PHLPP1: variants seen among roughly 807,000 people sequenced by gnomAD.
PHLPP1 encodes PH domain leucine-rich repeat-containing protein phosphatase 1.
In PHLPP1, 42 loss-of-function variants were observed where a neutral mutation model predicts 117.2. The ratio of observed to expected loss-of-function variants is 0.36; its 90% CI spans 0.28 to 0.46. PHLPP1 has a LOEUF of 0.46. PHLPP1 is among the 20% of genes least tolerant of loss of function. PHLPP1 has a pLI of 1.00. For synonymous variants in PHLPP1, 1,042 were observed against 970.7 expected (o/e 1.07, Z -1.37); for missense variants, 2,084 against 2,241.9 (o/e 0.93, Z 1.42).
At chr18:62,884,360 A>G (rs1418214485) in intron 4 of PHLPP1, among the ~76,000 whole-genome samples, 1 of 152,232 alleles carries the variant, frequency 6.6e-6, no homozygotes, top group East Asian at 1.9e-4. Context: ...AGAGACTGTT[A>G]ACTTTTTATG....
chr18:62,816,581 A>G (rs954623273), intron 1 of PHLPP1, among the ~76,000 whole-genome samples: 3 of 151,702 alleles, frequency 2.0e-5, no homozygotes, highest in Non-Finnish European at 4.4e-5. Context: ...AAATAAAAAT[A>G]AATAATAAAA....
chr18:62,743,903 A>G (rs759310659), intron 1 of PHLPP1, among the ~76,000 whole-genome samples: 28 of 151,986 alleles, frequency 1.8e-4, no homozygotes, highest in Admixed American at 5.9e-4. Context: ...AATTTTGGAC[A>G]TATATGTTGA....
intron 3 of PHLPP1, among the ~76,000 whole-genome samples, chr18:62,852,158 G>C (rs1335834372): frequency 6.6e-6 from 1 of 152,038 alleles, no homozygotes; most frequent in Non-Finnish European, 1.5e-5. Flanking sequence ...GAAATTACAG[G>C]CATGAGTCAC....
At chr18:62,828,640 A>G (rs1007047824) in intron 1 of PHLPP1, among the ~76,000 whole-genome samples, 1 of 152,170 alleles carries the variant, frequency 6.6e-6, no homozygotes, top group Non-Finnish European at 1.5e-5. Context: ...GAACGTTCAG[A>G]TACTCTTTGG....
At chr18:62,971,051 G>A (rs34951742) in intron 14 of PHLPP1, among the ~76,000 whole-genome samples, 8,777 of 152,192 alleles carry the variant, frequency 0.058, 381 homozygotes, top group Non-Finnish European at 0.086. Context: ...CGTTCAAGAC[G>A]TTGCTCCACT....
chr18:62,888,351 T>C (rs1253939489), intron 4 of PHLPP1, among the ~76,000 whole-genome samples: 3 of 151,128 alleles, frequency 2.0e-5, no homozygotes, highest in Non-Finnish European at 4.4e-5. Context: ...TTTTTTTCTT[T>C]TTAAAACCAG....
At chr18:62,974,161 T>C (rs576471061) in intron 15 of PHLPP1, among the ~76,000 whole-genome samples, 1 of 152,270 alleles carries the variant, frequency 6.6e-6, no homozygotes, top group Admixed American at 6.5e-5. Flanking sequence ...TGCTATACTT[T>C]TTACAAATCA....
At chr18:62,954,284 G>A (rs968978196) in intron 12 of PHLPP1, among the ~76,000 whole-genome samples, 3 of 152,146 alleles carry the variant, frequency 2.0e-5, no homozygotes, top group Non-Finnish European at 4.4e-5. Flanking sequence ...GCCTGAAAGA[G>A]GGAAAGATAA....
chr18:62,968,897 T>A (rs1910979366), intron 14 of PHLPP1, among the ~76,000 whole-genome samples: 1 of 152,194 alleles, frequency 6.6e-6, no homozygotes, highest in Non-Finnish European at 1.5e-5. Flanking sequence ...TCATTCCTAA[T>A]GTTGGTAATT....
chr18:62,923,673 C>G (rs1909541833), intron 10 of PHLPP1, among the ~76,000 whole-genome samples: 1 of 151,952 alleles, frequency 6.6e-6, no homozygotes, highest in Admixed American at 6.6e-5. Context: ...GAAATTTTTA[C>G]CTACCTATTT....
intron 1 of PHLPP1, among the ~76,000 whole-genome samples, chr18:62,751,435 A>T (rs1232218885): frequency 6.6e-6 from 1 of 152,228 alleles, no homozygotes; most frequent in Non-Finnish European, 1.5e-5. Context: ...AGTAAGAACA[A>T]CATCATCTCA....
chr18:62,902,511 G>T (rs1916749454), intron 6 of PHLPP1, among the ~76,000 whole-genome samples: 2 of 152,138 alleles, frequency 1.3e-5, no homozygotes, highest in African/African-American at 4.8e-5. Context: ...GCCTGTTCAT[G>T]CATCCTCTCT....
Position 62,716,170 on chromosome 18 carries a change from G to C in PHLPP1, c.487G>C (p.Ala163Pro). 1 of 1,519,324 alleles carries C rather than the reference G, an allele frequency of 6.6e-7. No homozygotes were observed. Among genetic ancestry groups the C allele is most frequent in the Non-Finnish European group, 8.8e-7 (1 of 1,139,580 alleles). 94.1% of individuals were successfully genotyped at this position (1,519,324 alleles called of 1,614,324 possible). Residue 163 changes from alanine to proline, a missense_variant, in exon 1 of 17, where the codon GCC becomes CCC. Ala to Pro is a conservative substitution (Grantham distance 27). Transcript: ENST00000262719. The surrounding 1 kb of genome is among the most constrained non-coding windows in gnomAD (Gnocchi z 5.7). ...TGCCGGCCTCCCCGCCTCCTGCTCG[G>C]CCTCGGCGTCGCTGTGCACCCGGAG... ...GAAGLPASCS[A>P]SASLCTRSLD...
intron 1 of PHLPP1, among the ~76,000 whole-genome samples, chr18:62,823,860 G>A (rs1397570825): frequency 6.6e-6 from 1 of 151,972 alleles, no homozygotes; most frequent in Non-Finnish European, 1.5e-5. Context: ...GGCCAGGCGC[G>A]GTGGCTTATT....
intron 3 of PHLPP1, among the ~76,000 whole-genome samples, chr18:62,840,658 T>A (rs1222726206): frequency 2.6e-5 from 4 of 152,228 alleles, no homozygotes; most frequent in Non-Finnish European, 4.4e-5. Flanking sequence ...GTGCAGCACA[T>A]TTCTTTCTGT....
At chr18:62,922,106 GT>G (rs1223356747) in intron 10 of PHLPP1, among the ~76,000 whole-genome samples, 1 of 150,612 alleles carries the variant, frequency 6.6e-6, no homozygotes, top group Non-Finnish European at 1.5e-5. Context: ...TTGTTTTTTG[GT>G]TTTGGGTTTT....
intron 1 of PHLPP1, among the ~76,000 whole-genome samples, chr18:62,821,414 TG>T (rs1355270332): frequency 5.6e-4 from 85 of 151,968 alleles, no homozygotes; most frequent in African/African-American, 1.7e-3. Context: ...CTGGGCATAA[TG>T]GCATATGCCT....
At chr18:62,870,074 G>A (rs1386024433) in intron 4 of PHLPP1, among the ~76,000 whole-genome samples, 1 of 152,064 alleles carries the variant, frequency 6.6e-6, no homozygotes, top group Non-Finnish European at 1.5e-5. Flanking sequence ...TGTATTTTTA[G>A]TAGAGACGGA....
chr18:62,882,525 C>T (rs1916195171), intron 4 of PHLPP1, among the ~76,000 whole-genome samples: 1 of 152,144 alleles, frequency 6.6e-6, no homozygotes, highest in Admixed American at 6.5e-5. Flanking sequence ...TCCCAAAGTG[C>T]TGGGATTACA....
Sources: allele counts gnomAD v4.1 joint callset (sites outside exome capture counted in the v4.1 genomes callset), GRCh38; gene constraint gnomAD v4.1.1; non-coding constraint Gnocchi (gnomAD v3.1); transcripts MANE v1.5; gene names NCBI Gene and HGNC (gene_info 2026-07-23, HGNC 2026-07-21).